Variants in GRIK2 observed in about 807,000 individuals in gnomAD.
GRIK2 encodes glutamate receptor ionotropic, kainate 2.
Under a neutral mutation model 100.3 loss-of-function variants are expected in GRIK2, and 32 were observed. That is an observed-to-expected ratio of 0.32 (90% CI 0.24 to 0.43). GRIK2 has a LOEUF of 0.43. Among genes scored for constraint, GRIK2 ranks in the 20% least tolerant of loss-of-function variants. The pLI is 1.00. For synonymous variants in GRIK2, 417 were observed against 389.4 expected (o/e 1.07, Z -0.83); for missense variants, 843 against 1,114.9 (o/e 0.76, Z 3.47).
chr6:101,839,612 G>C (rs1187485791), intron 10 of GRIK2, among the ~76,000 whole-genome samples: 1 of 152,152 alleles, frequency 6.6e-6, no homozygotes, highest in Admixed American at 6.6e-5. Flanking sequence ...TTTGAAGGTG[G>C]AATTGTTGTT....
intron 9 of GRIK2, among the ~76,000 whole-genome samples, chr6:101,815,081 G>A (rs914124790): frequency 6.6e-6 from 1 of 152,108 alleles, no homozygotes; most frequent in African/African-American, 2.4e-5. Flanking sequence ...ATGTTAAGTG[G>A]TGGACATAGG....
At position 101,629,611 on chromosome 6, in the gene GRIK2, G is replaced by C. The variant is rs573879772; in HGVS notation, c.541+2974G>C. 5.9e-5 allele frequency among the ~76,000 whole-genome samples: 9 copies of C among 152,134 alleles called. No homozygotes were observed. The South Asian group carries it at 1.9e-3, about 32-fold the overall frequency. ...TTTGAGAACTTTGATTATTTAATAT[G>C]ATAGAACTGACTCGAAGGCAGAAAA... is the stretch of plus-strand genomic sequence containing the variant. On this transcript the variant is annotated intron_variant, in intron 4 of 16. Coordinates refer to ENST00000369134, the MANE Select transcript of GRIK2 (RefSeq NM_021956.5).
At chr6:101,796,580 C>G (rs1171360827) in intron 7 of GRIK2, among the ~76,000 whole-genome samples, 1 of 152,148 alleles carries the variant, frequency 6.6e-6, no homozygotes, top group Non-Finnish European at 1.5e-5. Context: ...GTACCCCAAA[C>G]TGGAGAAAAT....
intron 2 of GRIK2, among the ~76,000 whole-genome samples, chr6:101,601,721 AG>A (rs957211656): frequency 2.6e-5 from 4 of 151,926 alleles, no homozygotes; most frequent in Admixed American, 2.6e-4. Flanking sequence ...GTAGGCATAT[AG>A]GTGTTCATAA....
chr6:101,982,233 C>T (rs1049270364), intron 14 of GRIK2, among the ~76,000 whole-genome samples: 1 of 151,770 alleles, frequency 6.6e-6, no homozygotes, highest in Non-Finnish European at 1.5e-5. Context: ...ATAGTCTTTT[C>T]CTTTTAGAAG....
At chr6:101,673,019 C>A (rs1770555551) in intron 4 of GRIK2, among the ~76,000 whole-genome samples, 1 of 152,124 alleles carries the variant, frequency 6.6e-6, no homozygotes, top group Non-Finnish European at 1.5e-5. Flanking sequence ...AACTAATTTA[C>A]ATTCCCACCT....
At chr6:101,541,019 G>C (rs1439618361) in intron 2 of GRIK2, among the ~76,000 whole-genome samples, 2 of 151,958 alleles carry the variant, frequency 1.3e-5, no homozygotes, top group African/African-American at 4.8e-5. Context: ...TGGAAATCAA[G>C]TCTTGAGGAA....
At chr6:101,434,104 A>T (rs1172139319) in intron 2 of GRIK2, among the ~76,000 whole-genome samples, 2 of 152,218 alleles carry the variant, frequency 1.3e-5, no homozygotes, top group African/African-American at 4.8e-5. Context: ...GGGGTGTTTT[A>T]GACACTAACG....
chr6:101,580,404 A>G (rs1339825473), intron 2 of GRIK2, among the ~76,000 whole-genome samples: 1 of 152,124 alleles, frequency 6.6e-6, no homozygotes, highest in Non-Finnish European at 1.5e-5. Context: ...CTGTTAGTCA[A>G]ATCTGTCAGC....
At chr6:101,444,168 C>T (rs1770239890) in intron 2 of GRIK2, among the ~76,000 whole-genome samples, 1 of 152,044 alleles carries the variant, frequency 6.6e-6, no homozygotes, top group African/African-American at 2.4e-5. Flanking sequence ...ATCCTCCTAC[C>T]TCAGCCTCCC....
intron 14 of GRIK2, among the ~76,000 whole-genome samples, chr6:101,956,857 T>C (rs907291543): frequency 8.0e-6 from 1 of 124,596 alleles, no homozygotes. Context: ...TATAGATATA[T>C]ACATATATAT....
chr6:101,554,521 A>T (rs2245821), intron 2 of GRIK2, among the ~76,000 whole-genome samples: 96,730 of 151,916 alleles, frequency 0.64, 31,165 homozygotes, highest in Middle Eastern at 0.69. Context: ...AAATCACTCA[A>T]ATCCCTTCTC....
intron 12 of GRIK2, among the ~76,000 whole-genome samples, chr6:101,909,161 A>G (rs1408693199): frequency 2.0e-5 from 3 of 151,228 alleles, no homozygotes; most frequent in Non-Finnish European, 4.4e-5. Context: ...AAAATAATTG[A>G]CCTCATAATC....
intron 13 of GRIK2, among the ~76,000 whole-genome samples, chr6:101,926,302 G>A (rs959510751): frequency 6.6e-6 from 1 of 150,626 alleles, no homozygotes; most frequent in Admixed American, 6.6e-5. Flanking sequence ...CCGTCATATG[G>A]CACAAGGTTA....
rs113781854 is a variant in GRIK2, at chr6:102,007,206, A to G, written c.2086-28135A>G. On this transcript the variant is annotated intron_variant, in intron 14 of 16. Coordinates refer to ENST00000369134, the MANE Select transcript of GRIK2 (RefSeq NM_021956.5). ...AGCCCATGAGAGTTTGTAGAAAGTC[A>G]TGATTGTAACTGTTTTGTGCAGAGT... Among the ~76,000 whole-genome samples, 320 of 152,270 alleles carry G rather than the reference A, an allele frequency of 2.1e-3. 2 individuals are homozygous for G. Among genetic ancestry groups the G allele is most frequent in the African/African-American group, 7.5e-3 (313 of 41,568 alleles).
chr6:101,855,700 C>A (rs1784389396), intron 10 of GRIK2, among the ~76,000 whole-genome samples: 2 of 152,160 alleles, frequency 1.3e-5, no homozygotes, highest in African/African-American at 4.8e-5. Flanking sequence ...TGAAGACCAG[C>A]ATAAACAGTT....
At chr6:101,707,523 AAT>A (rs890478138) in intron 7 of GRIK2, among the ~76,000 whole-genome samples, 65 of 136,020 alleles carry the variant, frequency 4.8e-4, no homozygotes, top group Admixed American at 1.7e-3. Flanking sequence ...GAATTGTGAA[AAT>A]ATATATGTGT....
At chr6:101,794,252 A>G (rs1583165785) in intron 7 of GRIK2, among the ~76,000 whole-genome samples, 3 of 152,164 alleles carry the variant, frequency 2.0e-5, no homozygotes, top group African/African-American at 7.2e-5. Flanking sequence ...CCCTAGTGAG[A>G]TGAACCCGGT....
intron 3 of GRIK2, among the ~76,000 whole-genome samples, chr6:101,623,860 T>C (rs565123664): frequency 2.0e-5 from 3 of 152,264 alleles, no homozygotes; most frequent in African/African-American, 7.2e-5. Flanking sequence ...ATCTCTTGTT[T>C]GTTGAGTTAT....
Sources: allele counts gnomAD v4.1 joint callset (sites outside exome capture counted in the v4.1 genomes callset), GRCh38; gene constraint gnomAD v4.1.1; transcripts MANE v1.5; gene names NCBI Gene and HGNC (gene_info 2026-07-23, HGNC 2026-07-21).